Variants in CHD9 observed in about 807,000 individuals in gnomAD.
CHD9 encodes the protein ATP-dependent chromatin remodeler CHD9.
CHD9 carries 77 observed loss-of-function variants against 316.1 expected under a neutral mutation model. That is an observed-to-expected ratio of 0.24 (90% CI 0.20 to 0.29). The LOEUF (loss-of-function observed/expected upper bound fraction) is 0.29, where lower values mean the gene tolerates loss of function less well. Ranked by LOEUF, CHD9 falls within the 10% of genes least tolerant of loss-of-function variation. The pLI is 1.00. For synonymous variants in CHD9, 1,129 were observed against 1,158.3 expected (o/e 0.97, Z 0.51); for missense variants, 2,763 against 3,438.1 (o/e 0.80, Z 4.91).
chr16:53,302,315 C>G (rs1406791604), intron 30 of CHD9, among the ~76,000 whole-genome samples: 1 of 152,046 alleles, frequency 6.6e-6, no homozygotes, highest in East Asian at 1.9e-4. Context: ...AAGTGTTGAT[C>G]AGTTATTTAG....
chr16:53,155,251 C>T (rs1199911567), intron 1 of CHD9, among the ~76,000 whole-genome samples: 1 of 151,606 alleles, frequency 6.6e-6, no homozygotes, highest in African/African-American at 2.4e-5. Context: ...GAGACAGTGT[C>T]TCACTCTGTT....
At position 53,292,829 on chromosome 16, in the gene CHD9, A is replaced by G. The variant is rs953803808; in HGVS notation, c.5291-4A>G. 12 of 1,609,624 alleles carry G rather than the reference A, an allele frequency of 7.5e-6. No individual in the cohort carries two copies. The highest frequency in any genetic ancestry group is 8.5e-6 in the Non-Finnish European group (10 of 1,176,084). The stretch of plus-strand genomic sequence containing the variant: ...TATTATTACTATTACTTATTTAACT[A>G]TAGATGGTCAACTGATGGAGGGTGA... On this transcript the variant is annotated splice_region_variant and splice_polypyrimidine_tract_variant and intron_variant, in intron 28 of 38. Transcript: ENST00000447540.
At position 53,256,381 on chromosome 16, in the gene CHD9, CTT is replaced by C. The variant is rs1163977563; in HGVS notation, c.4209+623_4209+624del. On this transcript the variant is annotated intron_variant, in intron 19 of 38. Transcript: ENST00000447540. The stretch of plus-strand genomic sequence containing the variant: ...TGCCTTTATATTCCTTTTTTCTTTT[CTT>C]TTTTTTTTTTTTTTTTTTTTGAGAC... Among the ~76,000 whole-genome samples the C allele has an allele frequency of 3.1e-3, 312 of 99,224 alleles. 1 individual carries two copies. The highest frequency in any genetic ancestry group is 0.012 in the African/African-American group (294 of 24,396). The allele number at this position is 99,224 out of a possible 152,430, so 65.1% of individuals were successfully genotyped here. A position where few individuals can be genotyped will look rare whatever the true frequency, so the allele number is the denominator to read the frequency against.
At chr16:53,131,660 C>A (rs1035610266) in intron 1 of CHD9, among the ~76,000 whole-genome samples, 10 of 152,012 alleles carry the variant, frequency 6.6e-5, no homozygotes, top group Non-Finnish European at 1.3e-4. Context: ...TCGGGGCCTC[C>A]CCCGGGTTGG....
chr16:53,247,500 A>G lies in CHD9; in HGVS notation c.3662A>G (p.Lys1221Arg). ...ATTCTGGAGGACTATCTCATACATA[A>G]AAGGTAAAGCATACTGAATTTACTG... ...LDILEDYLIH[K>R]RYLYERIDGR... Residue 1221 changes from lysine (K) to arginine (R), a missense_variant, in exon 16 of 39, where the codon AAA (lysine) becomes AGA (arginine). Lys to Arg is a conservative substitution (Grantham distance 26, BLOSUM62 2). Transcript: ENST00000447540. 1 of 1,586,946 alleles carries G rather than the reference A, an allele frequency of 6.3e-7. No homozygotes were observed. Among genetic ancestry groups the G allele is most frequent in the Non-Finnish European group, 8.6e-7 (1 of 1,163,438 alleles).
intron 2 of CHD9, among the ~76,000 whole-genome samples, chr16:53,180,900 C>T (rs565984057): frequency 1.3e-5 from 2 of 151,778 alleles, no homozygotes; most frequent in Admixed American, 6.6e-5. Flanking sequence ...TGGTCTCAAT[C>T]TCCTGACCTC....
At chr16:53,192,066 CAA>C (rs563995905) in intron 2 of CHD9, among the ~76,000 whole-genome samples, 6 of 69,832 alleles carry the variant, frequency 8.6e-5, no homozygotes, top group Admixed American at 1.6e-4. Context: ...GACTCCATCT[CAA>C]AAAAAAAAAA....
At chr16:53,080,675 A>G (rs887131390) in intron 1 of CHD9, among the ~76,000 whole-genome samples, 4 of 152,100 alleles carry the variant, frequency 2.6e-5, no homozygotes, top group Non-Finnish European at 5.9e-5. Flanking sequence ...AAATACCGTG[A>G]CTCTCTGCAA....
chr16:53,190,177 T>C (rs1423956719), intron 2 of CHD9, among the ~76,000 whole-genome samples: 1 of 152,144 alleles, frequency 6.6e-6, no homozygotes, highest in Non-Finnish European at 1.5e-5. Context: ...ATTATAGCAG[T>C]TTACAATATG....
chr16:53,205,441 A>C (rs559087681), intron 2 of CHD9, among the ~76,000 whole-genome samples: 1 of 152,306 alleles, frequency 6.6e-6, no homozygotes, highest in East Asian at 1.9e-4. Context: ...AATACAATTA[A>C]GTAGATTTGG....
rs558499215 is a variant in CHD9, at chr16:53,178,694, C to A, written c.1452+21153C>A. ...CCCAGGCTTATCTTGAACTCCTGGG[C>A]TCAAGTAATCGTCCTGCCTTGGCCT... On this transcript the variant is annotated intron_variant, in intron 2 of 38. Coordinates refer to ENST00000447540, the MANE Select transcript of CHD9 (RefSeq NM_001308319.2). Among the ~76,000 whole-genome samples the A allele has an allele frequency of 3.9e-5, 6 of 152,200 alleles. No individual in the cohort carries two copies. In the East Asian group the frequency reaches 5.8e-4, roughly 15 times the overall value.
intron 2 of CHD9, 79 bp from the exon 3 acceptor site, chr16:53,209,403 T>C: frequency 2.0e-6 from 2 of 1,024,862 alleles, no homozygotes; most frequent in South Asian, 1.8e-5. Flanking sequence ...TAAACATAAT[T>C]TAAGATTTTC....
In CHD9 at chr16:53,076,793, A is replaced by G. The variant is rs1016218607; in HGVS notation, c.-165+21716A>G. ...ATCTCAAAAACAAAAACAAAAGCAA[A>G]TTTTAATTAATTAATTTTTGTTTGC... is the stretch of plus-strand genomic sequence containing the variant. On this transcript the variant is annotated intron_variant, in intron 1 of 38. Transcript: ENST00000447540. Among the ~76,000 whole-genome samples, 23 of 151,564 alleles carry G rather than the reference A, an allele frequency of 1.5e-4. 1 individual carries two copies. The highest frequency in any genetic ancestry group is 5.3e-4 in the African/African-American group (22 of 41,268).
intron 1 of CHD9, among the ~76,000 whole-genome samples, chr16:53,105,695 C>T (rs2037289504): frequency 6.6e-6 from 1 of 152,072 alleles, no homozygotes; most frequent in African/African-American, 2.4e-5. Context: ...AATTCAGGTG[C>T]TTTGGAGAAG....
At chr16:53,309,628 T>C (rs2056292924) in intron 34 of CHD9, among the ~76,000 whole-genome samples, 1 of 152,130 alleles carries the variant, frequency 6.6e-6, no homozygotes, top group Non-Finnish European at 1.5e-5. Flanking sequence ...GGTTTTAGTT[T>C]TTGTTTTGTT....
intron 1 of CHD9, among the ~76,000 whole-genome samples, chr16:53,059,460 T>C (rs1188310376): frequency 6.6e-6 from 1 of 151,568 alleles, no homozygotes; most frequent in Non-Finnish European, 1.5e-5. Context: ...ACAAGAAAAA[T>C]GGAAAAAAAA....
intron 1 of CHD9, among the ~76,000 whole-genome samples, chr16:53,070,844 G>A (rs191742450): frequency 1.2e-3 from 178 of 152,180 alleles, no homozygotes; most frequent in Non-Finnish European, 2.1e-3. Context: ...ATGAGCCACC[G>A]CACCTGGCCA....
rs1214009132 is a variant in CHD9, at chr16:53,063,978, C to G, written c.-165+8901C>G. Among the ~76,000 whole-genome samples the G allele has an allele frequency of 9.9e-5, 15 of 151,844 alleles. No homozygotes were observed. In the East Asian group the frequency reaches 2.9e-3, roughly 29 times the overall value. On this transcript the variant is annotated intron_variant, in intron 1 of 38. Transcript: ENST00000447540. ...CCTCCAGAGTAGCTGGGGGTACAGA[C>G]CTATGAGCCACCATGCCCAGCTAAT...
chr16:53,295,222 G>T (rs1402252750), intron 29 of CHD9, among the ~76,000 whole-genome samples: 1 of 152,214 alleles, frequency 6.6e-6, no homozygotes, highest in African/African-American at 2.4e-5. Flanking sequence ...TGCCTCCGGG[G>T]TTCAAGCAAT....
Sources: allele counts gnomAD v4.1 joint callset (sites outside exome capture counted in the v4.1 genomes callset), GRCh38; gene constraint gnomAD v4.1.1; transcripts MANE v1.5; gene names NCBI Gene and HGNC (gene_info 2026-07-23, HGNC 2026-07-21).